Variants in CA3 observed in about 807,000 individuals in gnomAD.
The protein encoded by CA3 is carbonic anhydrase 3.
Under a neutral mutation model 35.7 loss-of-function variants are expected in CA3, and 30 were observed. That is an observed-to-expected ratio of 0.84 (90% CI 0.63 to 1.14). CA3 has a LOEUF of 1.14. Among genes scored for constraint, CA3 ranks in the 50% most tolerant of loss-of-function variants. CA3 has a pLI of 0.00. For missense variants in CA3, 295 were observed against 328.5 expected, an observed-to-expected ratio of 0.90 and a Z score of 0.79; for synonymous variants, 131 against 130.8, an observed-to-expected ratio of 1.00 and a Z score of -0.01.
intron 3 of CA3, among the ~76,000 whole-genome samples, chr8:85,442,592 G>A (rs1180374894): frequency 6.6e-6 from 1 of 151,956 alleles, no homozygotes; most frequent in Non-Finnish European, 1.5e-5. Flanking sequence ...ATGCACCTGT[G>A]GTCCCAGCTA....
At chr8:85,438,969 C>T in intron 1 of CA3, 26 bp downstream of exon 1, 1 of 1,550,552 alleles carries the variant, frequency 6.4e-7, no homozygotes, top group Non-Finnish European at 8.7e-7. Flanking sequence ...CGCGACCCGG[C>T]CAGGAAGGGA....
intron 4 of CA3, 21 bp downstream of exon 4, chr8:85,444,147 A>G: frequency 2.0e-6 from 3 of 1,502,034 alleles, no homozygotes; most frequent in Non-Finnish European, 2.8e-6. Context: ...AATTGACTAT[A>G]TATTTTCTTC....
At chr8:85,447,955 A>C in intron 6 of CA3, 79 bp from the exon 7 acceptor site, 62 of 1,312,378 alleles carry the variant, frequency 4.7e-5, no homozygotes, top group Middle Eastern at 2.6e-4. Flanking sequence ...AAACCCCAGC[A>C]GTATTTATAC....
At chr8:85,442,927 T>G (rs1000706967) in intron 3 of CA3, among the ~76,000 whole-genome samples, 1 of 152,088 alleles carries the variant, frequency 6.6e-6, no homozygotes, top group Non-Finnish European at 1.5e-5. Flanking sequence ...GGCTGGTGAG[T>G]GCTAGTGCTC....
chr8:85,448,006 G>A (rs1346141252), intron 6 of CA3, 28 bp from the exon 7 acceptor site: 11 of 1,599,204 alleles, frequency 6.9e-6, no homozygotes, highest in Non-Finnish European at 7.7e-6. Context: ...CGAATGTCTT[G>A]TTAACAGTCT....
chr8:85,440,305 T>C (rs1333250135), intron 2 of CA3, among the ~76,000 whole-genome samples: 2 of 152,206 alleles, frequency 1.3e-5, no homozygotes, highest in African/African-American at 4.8e-5. Flanking sequence ...GATTCCATTC[T>C]ACAAAGCCAG....
In CA3 at chr8:85,439,745, C is replaced by T; in HGVS notation, c.68C>T (p.Ala23Val). Reference protein sequence around the residue: ...PDHWHELFPNAKGENQSPVEL... With the variant: ...PDHWHELFPNVKGENQSPVEL... ...CACTGGCATGAACTTTTCCCAAATG[C>T]CAAGGGGGAAAACCAGTCGCCCGTT... Residue 23 changes from alanine (A) to valine (V), a missense_variant, in exon 2 of 7, where the codon GCC becomes GTC. Transcript: ENST00000285381. The T allele has an allele frequency of 1.2e-6, 2 of 1,613,860 alleles. No individual in the cohort carries two copies. The highest frequency in any genetic ancestry group is 4.5e-5 in the East Asian group (2 of 44,880).
Position 85,444,022 on chromosome 8 carries a change from C to T in CA3, c.352-12C>T. On this transcript the variant is annotated splice_polypyrimidine_tract_variant and intron_variant, in intron 3 of 6. Coordinates refer to ENST00000285381, the MANE Select transcript of CA3 (RefSeq NM_005181.4). The stretch of plus-strand genomic sequence containing the variant: ...AGGAATTTACCTTCTAATCTGTCTT[C>T]TATGGTTTCAGCTTCATTTGGTTCA... 6.4e-7 allele frequency: 1 copy of T among 1,574,284 alleles called. No individual in the cohort carries two copies. Among genetic ancestry groups the T allele is most frequent in the African/African-American group, 1.3e-5 (1 of 74,192 alleles).
chr8:85,441,457 C>T (rs909942985), intron 2 of CA3, among the ~76,000 whole-genome samples: 3 of 152,138 alleles, frequency 2.0e-5, no homozygotes, highest in Non-Finnish European at 2.9e-5. Flanking sequence ...AAAGTTTTTG[C>T]TCGTTGTCTT....
chr8:85,448,066 T>G lies in CA3; in HGVS notation c.696T>G (p.Ala232=), dbSNP rs750115468. 6.2e-7 allele frequency: 1 copy of G among 1,613,448 alleles called. No individual in the cohort carries two copies. The highest frequency in any genetic ancestry group is 8.5e-7 in the Non-Finnish European group (1 of 1,179,668). The part of the protein sequence containing the change: ...MAKLRSLLSS[A]ENEPPVPLVS... ...AGCTGCGGAGCCTCCTCTCCAGTGC[T>G]GAGAACGAGCCCCCAGTGCCTCTTG... Residue 232 remains alanine (A), a synonymous_variant, in exon 7 of 7, where the codon GCT becomes GCG. Coordinates refer to ENST00000285381, the MANE Select transcript of CA3 (RefSeq NM_005181.4).
At chr8:85,447,815 C>T (rs957777718) in intron 6 of CA3, among the ~76,000 whole-genome samples, 10 of 152,292 alleles carry the variant, frequency 6.6e-5, no homozygotes, top group African/African-American at 2.4e-4. Context: ...AGGAGAATCG[C>T]TTGAGTTCTG....
chr8:85,448,006 G>T (rs1346141252), intron 6 of CA3, 28 bp from the exon 7 acceptor site: 1 of 1,599,322 alleles, frequency 6.3e-7, no homozygotes. Flanking sequence ...CGAATGTCTT[G>T]TTAACAGTCT....
At chr8:85,445,068 C>T (rs763375435) in intron 4 of CA3, 88 bp from the exon 5 acceptor site, 3 of 770,466 alleles carry the variant, frequency 3.9e-6, no homozygotes, top group Middle Eastern at 2.4e-4. Context: ...ACACTAGTTG[C>T]AGATGGATGG....
At position 85,446,287 on chromosome 8, in the gene CA3, G is replaced by C; in HGVS notation, c.653G>C (p.Ser218Thr). 1 of 1,613,452 alleles carries C rather than the reference G, an allele frequency of 6.2e-7. No homozygotes were observed. The highest frequency in any genetic ancestry group is 8.5e-7 in the Non-Finnish European group (1 of 1,179,522). The change falls in exon 6 of 7, where the codon AGC (serine) becomes ACC (threonine). Residue 218 changes from serine (S) to threonine (T), a missense_variant. Physicochemically the swap from Ser to Thr is moderately conservative, Grantham distance 58. Coordinates refer to ENST00000285381, the MANE Select transcript of CA3 (RefSeq NM_005181.4). ...CTGCTGAAGGAGCCCATGACCGTGAGCTCTGACCAGGTGAGCAGCCTTGTG... is the reference window on the plus strand; with the variant it reads ...CTGCTGAAGGAGCCCATGACCGTGACCTCTGACCAGGTGAGCAGCCTTGTG... The part of the protein sequence containing the change: ...WLLLKEPMTV[S>T]SDQMAKLRSL...
intron 2 of CA3, among the ~76,000 whole-genome samples, chr8:85,441,132 A>G (rs1024591976): frequency 1.3e-5 from 2 of 152,190 alleles, no homozygotes; most frequent in Non-Finnish European, 2.9e-5. Context: ...TTTGAGGTCT[A>G]TATTTATGGC....
chr8:85,444,096 T>A lies in CA3; in HGVS notation c.414T>A (p.Asp138Glu). ...TTAAAGAAGCCCTGAAGCAGCGCGA[T>A]GGGATCGCTGTGATTGGCATTTTTC... Reference protein sequence around the residue: ...NTFKEALKQRDGIAVIGIFLK... With the variant: ...NTFKEALKQREGIAVIGIFLK... The change falls in exon 4 of 7, where the codon GAT (aspartate) becomes GAA (glutamate). Residue 138 changes from aspartate (D) to glutamate (E), a missense_variant. Transcript: ENST00000285381. The A allele has an allele frequency of 1.2e-6, 2 of 1,613,380 alleles. No individual in the cohort carries two copies. Among genetic ancestry groups the A allele is most frequent in the Non-Finnish European group, 1.7e-6 (2 of 1,179,286 alleles).
chr8:85,445,635 C>G lies in CA3; in HGVS notation c.507+417C>G, dbSNP rs193212324. On this transcript the variant is annotated intron_variant, in intron 5 of 6. Coordinates refer to ENST00000285381, the MANE Select transcript of CA3 (RefSeq NM_005181.4). ...TTGGTGATGAGCTTTCTGGGAAGCA[C>G]TTAAAAATTTAAAATCTTCACAATA... 1.5e-3 allele frequency among the ~76,000 whole-genome samples: 224 copies of G among 152,184 alleles called. 1 individual carries two copies. The highest frequency in any genetic ancestry group is 5.1e-3 in the African/African-American group (213 of 41,518).
In CA3 at chr8:85,438,885, C is replaced by T. The variant is rs1282271096; in HGVS notation, c.-25C>T. On this transcript the variant is annotated 5_prime_UTR_variant, in exon 1 of 7. Transcript: ENST00000285381. ...CACGCAGGGGAAGAGAAAGCAGGAG[C>T]CGTCCAGCACGGAGGAAGGCGACCA... 5 of 1,550,818 alleles carry T rather than the reference C, an allele frequency of 3.2e-6. No individual in the cohort carries two copies. In the South Asian group the frequency reaches 6.0e-5, roughly 18 times the overall value.
At position 85,446,281 on chromosome 8, in the gene CA3, C is replaced by T. The variant is rs780503116; in HGVS notation, c.647C>T (p.Thr216Ile). 1.2e-6 allele frequency: 2 copies of T among 1,613,638 alleles called. No homozygotes were observed. ...TGGCTGCTGCTGAAGGAGCCCATGA[C>T]CGTGAGCTCTGACCAGGTGAGCAGC... The part of the protein sequence containing the change: ...IVWLLLKEPM[T>I]VSSDQMAKLR... The change falls in exon 6 of 7, where the codon ACC becomes ATC. Residue 216 changes from threonine (T) to isoleucine (I), a missense_variant. Transcript: ENST00000285381.
Sources: allele counts gnomAD v4.1 joint callset (sites outside exome capture counted in the v4.1 genomes callset), GRCh38; gene constraint gnomAD v4.1.1; transcripts MANE v1.5; gene names NCBI Gene and HGNC (gene_info 2026-07-23, HGNC 2026-07-21).